Variants in ANXA4 observed in about 807,000 individuals in gnomAD.
ANXA4 encodes the protein 35-beta calcimedin.
ANXA4 carries 39 observed loss-of-function variants against 49.8 expected under a neutral mutation model. The ratio of observed to expected loss-of-function variants is 0.78; its 90% CI spans 0.61 to 1.02. The LOEUF is 1.02. Among genes scored for constraint, ANXA4 ranks in the 50% least tolerant of loss-of-function variants. The pLI, the probability that ANXA4 is intolerant of heterozygous loss-of-function variation, is 0.00. For synonymous variants in ANXA4, 134 were observed against 152.5 expected (o/e 0.88, Z 0.89); for missense variants, 360 against 410.1 (o/e 0.88, Z 1.05).
intron 1 of ANXA4, among the ~76,000 whole-genome samples, chr2:69,652,680 G>A (rs1017337904): frequency 6.6e-6 from 1 of 151,988 alleles, no homozygotes; most frequent in Non-Finnish European, 1.5e-5. Flanking sequence ...CCAACAAAGC[G>A]AAAACCCGTC....
At chr2:69,666,319 A>C (rs1337379595) in intron 2 of ANXA4, among the ~76,000 whole-genome samples, 1 of 152,228 alleles carries the variant, frequency 6.6e-6, no homozygotes, top group Non-Finnish European at 1.5e-5. Context: ...GGGTAGCTGT[A>C]ATTGAAAAAA....
intron 2 of ANXA4, among the ~76,000 whole-genome samples, chr2:69,711,310 A>T (rs1678672153): frequency 6.6e-6 from 1 of 152,230 alleles, no homozygotes; most frequent in Non-Finnish European, 1.5e-5. Flanking sequence ...TCTACTGATG[A>T]ATGGATAAAC....
At chr2:69,729,919 C>A (rs1670051648) in intron 3 of ANXA4, among the ~76,000 whole-genome samples, 1 of 152,212 alleles carries the variant, frequency 6.6e-6, no homozygotes. Context: ...ATTTGCATAA[C>A]AGACAGTCTT....
At chr2:69,760,022 C>T (rs759558763) in intron 1 of ANXA4, among the ~76,000 whole-genome samples, 9 of 152,006 alleles carry the variant, frequency 5.9e-5, no homozygotes, top group South Asian at 4.2e-4. Flanking sequence ...TTAGTAGAGA[C>T]GGGGTTTCAC....
chr2:69,811,033 C>A, intron 7 of ANXA4: 1 of 182,426 alleles, frequency 5.5e-6, no homozygotes, highest in Non-Finnish European at 1.1e-5. Context: ...AGATTACATG[C>A]CAAAGGAGAG....
intron 2 of ANXA4, among the ~76,000 whole-genome samples, chr2:69,687,623 C>A (rs1677834294): frequency 6.6e-6 from 1 of 152,124 alleles, no homozygotes; most frequent in African/African-American, 2.4e-5. Context: ...GGGCAATGAC[C>A]TTTAGGGATG....
chr2:69,652,226 G>A (rs540082701), intron 1 of ANXA4, among the ~76,000 whole-genome samples: 1 of 151,136 alleles, frequency 6.6e-6, no homozygotes, highest in African/African-American at 2.4e-5. Context: ...GCCTGGCCTC[G>A]AACTCCTCAC....
At chr2:69,720,137 C>T (rs903276229) in intron 2 of ANXA4, among the ~76,000 whole-genome samples, 10 of 152,132 alleles carry the variant, frequency 6.6e-5, no homozygotes, top group East Asian at 3.9e-4. Context: ...AATGTAATTC[C>T]GATTCAATTC....
chr2:69,644,678 A>C (rs930387752), exon 1 of ANXA4: 9 of 152,272 alleles, frequency 5.9e-5, no homozygotes, highest in African/African-American at 1.9e-4. Flanking sequence ...TTTTCGGCCC[A>C]TGCTGTCCCT....
chr2:69,695,466 AAAG>A (rs754386328), intron 2 of ANXA4, among the ~76,000 whole-genome samples: 15 of 152,288 alleles, frequency 9.8e-5, no homozygotes, highest in Non-Finnish European at 1.8e-4. Context: ...GAGGGAGAAA[AAAG>A]AAGTTGTGGA....
At chr2:69,702,643 G>T (rs1481963929) in intron 2 of ANXA4, among the ~76,000 whole-genome samples, 1 of 152,178 alleles carries the variant, frequency 6.6e-6, no homozygotes. Flanking sequence ...GAGCCCAAGA[G>T]TTGGAGGTTA....
upstream of ANXA4, among the ~76,000 whole-genome samples, chr2:69,739,348 T>C (rs975883066): frequency 2.0e-5 from 3 of 152,196 alleles, no homozygotes; most frequent in Non-Finnish European, 4.4e-5. Context: ...TCTTATTATT[T>C]TTCCTCTCTT....
At chr2:69,713,700 T>C (rs1678761268) in intron 2 of ANXA4, 1 of 152,272 alleles carries the variant, frequency 6.6e-6, no homozygotes, top group South Asian at 2.1e-4. Flanking sequence ...CTCTCCCCTT[T>C]GTGGGGTTCC....
At chr2:69,717,012 A>G (rs1669658615) in intron 2 of ANXA4, among the ~76,000 whole-genome samples, 1 of 152,158 alleles carries the variant, frequency 6.6e-6, no homozygotes, top group Non-Finnish European at 1.5e-5. Flanking sequence ...ACAGATGATA[A>G]CCAGAGAAAC....
intron 1 of ANXA4, among the ~76,000 whole-genome samples, chr2:69,757,482 C>T (rs1351523736): frequency 6.9e-6 from 1 of 144,066 alleles, no homozygotes; most frequent in African/African-American, 2.6e-5. Flanking sequence ...ACCATGTTAG[C>T]CAAGATGGTC....
At chr2:69,714,263 C>G (rs1047153961) in intron 2 of ANXA4, among the ~76,000 whole-genome samples, 3 of 152,124 alleles carry the variant, frequency 2.0e-5, no homozygotes, top group African/African-American at 7.2e-5. Context: ...TCTGGGAGCC[C>G]CACCAGAACC....
intron 1 of ANXA4, among the ~76,000 whole-genome samples, chr2:69,747,592 A>C (rs1359455748): frequency 6.6e-6 from 1 of 152,146 alleles, no homozygotes; most frequent in Non-Finnish European, 1.5e-5. Flanking sequence ...TTTTTCGTAC[A>C]ATTTCAAGGA....
chr2:69,740,680 CTTTT>C (rs3077548), upstream of ANXA4, among the ~76,000 whole-genome samples: 751 of 75,692 alleles, frequency 9.9e-3, 6 homozygotes, highest in African/African-American at 0.037. Context: ...CTTTCTTCCT[CTTTT>C]TTTTTTTTTT....
chr2:69,684,112 T>C (rs1468614041), intron 2 of ANXA4, among the ~76,000 whole-genome samples: 1 of 152,210 alleles, frequency 6.6e-6, no homozygotes, highest in African/African-American at 2.4e-5. Context: ...TCAGAAGTAT[T>C]AACAGTTTTT....
Sources: gnomAD v4.1 joint callset for allele counts (sites outside exome capture counted in the v4.1 genomes callset) on GRCh38, gnomAD v4.1.1 for gene constraint, MANE v1.5 for transcripts, NCBI Gene and HGNC (gene_info 2026-07-23, HGNC 2026-07-21) for gene names.